Variants in MAST2 observed in about 807,000 individuals in gnomAD.
The protein encoded by MAST2 is microtubule associated serine/threonine kinase 2.
A neutral mutation model predicts 147.4 loss-of-function variants in MAST2; 70 were observed. The ratio of observed to expected loss-of-function variants is 0.47; its 90% confidence interval spans 0.39 to 0.58. The LOEUF (loss-of-function observed/expected upper bound fraction) is 0.58, where lower values mean the gene tolerates loss of function less well. MAST2 is among the 20% of genes least tolerant of loss of function. The pLI, the probability that MAST2 is intolerant of heterozygous loss-of-function variation, is 0.00. For missense variants in MAST2, 2,080 were observed against 2,302.3 expected (o/e 0.90, Z 1.98); for synonymous variants, 869 against 896.8 (o/e 0.97, Z 0.55).
rs770069959 is a variant in MAST2 at position 45,899,307 on chromosome 1, C to CTTTTTTTTTTTTTT, written c.500+16919_500+16932dup. Among the ~76,000 whole-genome samples the CTTTTTTTTTTTTTT allele has an allele frequency of 4.1e-3, 441 of 107,644 alleles. 2 individuals are homozygous for CTTTTTTTTTTTTTT. The highest frequency in any genetic ancestry group is 7.9e-3 in the East Asian group (28 of 3,548). 70.6% of individuals were successfully genotyped at this position (107,644 alleles called of 152,430 possible). A position where few individuals can be genotyped will look rare whatever the true frequency, so the allele number is the denominator to read the frequency against. ...GCCAAAAATATTTTTCCTTTCTTTT[C>CTTTTTTTTTTTTTT]TTTTTTTTTTTTTTTTTTTTAGATT... On this transcript the variant is annotated intron_variant, in intron 4 of 28. Coordinates refer to ENST00000361297, the MANE Select transcript of MAST2 (RefSeq NM_015112.3).
intron 3 of MAST2, among the ~76,000 whole-genome samples, chr1:45,857,392 C>T (rs986126610): frequency 6.6e-6 from 1 of 152,116 alleles, no homozygotes; most frequent in African/African-American, 2.4e-5. Flanking sequence ...GCATATTTGT[C>T]CTCTATAAAA....
intron 2 of MAST2, among the ~76,000 whole-genome samples, chr1:45,825,860 T>G (rs1053136981): frequency 6.6e-6 from 1 of 151,898 alleles, no homozygotes; most frequent in African/African-American, 2.4e-5. Context: ...GCAGATCACC[T>G]GAGGTCAGGA....
chr1:45,963,147 T>C (rs1480361639), intron 5 of MAST2, among the ~76,000 whole-genome samples: 1 of 152,256 alleles, frequency 6.6e-6, no homozygotes, highest in Non-Finnish European at 1.5e-5. Context: ...ACCAGTACCA[T>C]GCTGTTTTGG....
chr1:45,932,410 T>C (rs1278493551), intron 4 of MAST2, among the ~76,000 whole-genome samples: 2 of 152,200 alleles, frequency 1.3e-5, no homozygotes, highest in Admixed American at 1.3e-4. Flanking sequence ...GACTGGGCGC[T>C]GTGGCTCACA....
chr1:45,826,951 C>G (rs374465740), intron 2 of MAST2, among the ~76,000 whole-genome samples: 3 of 152,042 alleles, frequency 2.0e-5, no homozygotes, highest in African/African-American at 7.2e-5. Flanking sequence ...GCCTCAGCCT[C>G]CCAAGTAGCT....
At chr1:45,861,013 A>T (rs1192035358) in intron 3 of MAST2, among the ~76,000 whole-genome samples, 1 of 151,880 alleles carries the variant, frequency 6.6e-6, no homozygotes, top group Non-Finnish European at 1.5e-5. Flanking sequence ...TAAAATCGTA[A>T]CTCTAGGTAA....
At chr1:45,863,284 G>T (rs1249607465) in intron 3 of MAST2, among the ~76,000 whole-genome samples, 1 of 152,120 alleles carries the variant, frequency 6.6e-6, no homozygotes, top group African/African-American at 2.4e-5. Flanking sequence ...GGAGTTCTAT[G>T]ACTTTAAAGG....
chr1:45,922,998 G>T (rs1653774453), intron 4 of MAST2, among the ~76,000 whole-genome samples: 1 of 152,138 alleles, frequency 6.6e-6, no homozygotes, highest in Non-Finnish European at 1.5e-5. Flanking sequence ...TTGCTGCTGT[G>T]GGGTGCCGCT....
intron 4 of MAST2, among the ~76,000 whole-genome samples, chr1:45,939,980 G>GTTTTTTTTTTTTTTTTTTTTT (rs1174123217): frequency 2.1e-5 from 2 of 97,334 alleles, no homozygotes; most frequent in Non-Finnish European, 3.9e-5. Context: ...TTTATTTAGG[G>GTTTTTTTTTTTTTTTTTTTTT]TTTTTTTTTT....
chr1:45,882,088 A>G (rs1646876956), intron 3 of MAST2, among the ~76,000 whole-genome samples: 2 of 146,200 alleles, frequency 1.4e-5, no homozygotes, highest in Non-Finnish European at 3.0e-5. Context: ...GCTACTCAGG[A>G]GGCTGAGACA....
chr1:45,969,814 A>C (rs1170881795), intron 5 of MAST2, among the ~76,000 whole-genome samples: 2 of 151,970 alleles, frequency 1.3e-5, no homozygotes, highest in African/African-American at 4.8e-5. Context: ...TTGCCTCCCC[A>C]CTTCCTGGTC....
intron 4 of MAST2, among the ~76,000 whole-genome samples, chr1:45,958,115 G>A (rs1485807415): frequency 6.6e-6 from 1 of 152,164 alleles, no homozygotes; most frequent in Non-Finnish European, 1.5e-5. Flanking sequence ...CATGGTGACT[G>A]AGGTAGTTAG....
chr1:45,912,433 C>G (rs1236037449), intron 4 of MAST2, among the ~76,000 whole-genome samples: 3 of 152,172 alleles, frequency 2.0e-5, no homozygotes, highest in Admixed American at 2.0e-4. Flanking sequence ...TATTCTATTT[C>G]ATTTGTATAT....
At chr1:46,021,214 G>A (rs1205272852) in intron 11 of MAST2, among the ~76,000 whole-genome samples, 2 of 152,226 alleles carry the variant, frequency 1.3e-5, no homozygotes, top group East Asian at 1.9e-4. Context: ...CACAGGGAAT[G>A]AGAACAGAGT....
In MAST2 at chr1:46,013,095, A is replaced by T. The variant is rs563917758; in HGVS notation, c.1188+2156A>T. On this transcript the variant is annotated intron_variant, in intron 10 of 28. Transcript: ENST00000361297. ...CCTGATCAGATTTTAGAATAATAAA[A>T]GTCAGTAACATTTATGGAGCATTTA... Among the ~76,000 whole-genome samples the T allele has an allele frequency of 7.9e-5, 12 of 152,224 alleles. No homozygotes were observed. In the East Asian group the frequency reaches 2.1e-3, roughly 27 times the overall value.
At chr1:46,013,981 T>C (rs973881276) in intron 10 of MAST2, among the ~76,000 whole-genome samples, 3 of 152,148 alleles carry the variant, frequency 2.0e-5, no homozygotes, top group Non-Finnish European at 2.9e-5. Flanking sequence ...TTACTGTGTT[T>C]TTTTTCCGAA....
intron 4 of MAST2, among the ~76,000 whole-genome samples, chr1:45,950,545 G>T (rs1005250093): frequency 1.4e-4 from 22 of 152,278 alleles, no homozygotes; most frequent in African/African-American, 5.1e-4. Flanking sequence ...GAAATTGGGG[G>T]TTGGAGTTTA....
chr1:45,998,730 CT>C (rs768359136), intron 6 of MAST2, among the ~76,000 whole-genome samples: 306 of 143,142 alleles, frequency 2.1e-3, no homozygotes, highest in East Asian at 0.013. Context: ...ACTTAGACTA[CT>C]TTTTTTTTTT....
chr1:45,809,326 C>T (rs1034035840), intron 1 of MAST2, among the ~76,000 whole-genome samples: 17 of 152,152 alleles, frequency 1.1e-4, no homozygotes, highest in Non-Finnish European at 2.9e-5. Context: ...ACTCAGTTTT[C>T]CAGGCCTAAC....
Sources: allele counts gnomAD v4.1 joint callset (sites outside exome capture counted in the v4.1 genomes callset), GRCh38; gene constraint gnomAD v4.1.1; transcripts MANE v1.5; gene names NCBI Gene and HGNC (gene_info 2026-07-23, HGNC 2026-07-21).